Variants in LCMT1 observed in about 807,000 individuals in gnomAD.
The protein encoded by LCMT1 is [Phosphatase 2A protein]-leucine-carboxy methyltransferase 1.
A neutral mutation model predicts 47.7 loss-of-function variants in LCMT1; 32 were observed. The ratio of observed to expected loss-of-function variants is 0.67; its 90% confidence interval spans 0.51 to 0.90. The LOEUF (loss-of-function observed/expected upper bound fraction) is 0.90, where lower values mean the gene tolerates loss of function less well. Among genes scored for constraint, LCMT1 ranks in the 40% least tolerant of loss-of-function variants. The probability of loss-of-function intolerance (pLI) is 0.00; values close to 1 mark genes in which losing one functional copy is unlikely to be tolerated. For missense variants in LCMT1, 375 were observed against 415.2 expected (o/e 0.90, Z 0.84); for synonymous variants, 152 against 149.7 (o/e 1.02, Z -0.11).
At chr16:25,162,766 T>A (rs1961470268) in intron 6 of LCMT1, among the ~76,000 whole-genome samples, 1 of 152,182 alleles carries the variant, frequency 6.6e-6, no homozygotes, top group South Asian at 2.1e-4. Context: ...AAGATAAAAA[T>A]AATTCCTAAT....
chr16:25,158,215 A>G (rs1036595090), intron 5 of LCMT1, among the ~76,000 whole-genome samples: 1 of 151,948 alleles, frequency 6.6e-6, no homozygotes, highest in Non-Finnish European at 1.5e-5. Context: ...GCAGTGGCAC[A>G]CTCTCAGCTC....
rs1962009943 is a variant in LCMT1, at chr16:25,178,076, GGAGACCTGCAAGCTCCCTGAGCGGT to G, written c.*55_*79del. 6.3e-7 allele frequency: 1 copy of G among 1,592,934 alleles called. No homozygotes were observed. Among genetic ancestry groups the G allele is most frequent in the East Asian group, 2.2e-5 (1 of 44,682 alleles). On this transcript the variant is annotated 3_prime_UTR_variant, in exon 11 of 11. Transcript: ENST00000399069. The stretch of plus-strand genomic sequence containing the variant: ...AGCCGAAGCCACTTGCCCTCCTGGA[GGAGACCTGCAAGCTCCCTGAGCGGT>G]GGGCGGGCCTCGTCCGCAGGTCTCA...
intron 3 of LCMT1, 162 bp from the exon 4 acceptor site, chr16:25,140,009 A>T (rs1188592536): frequency 3.3e-6 from 2 of 602,572 alleles, no homozygotes; most frequent in African/African-American, 1.9e-5. Flanking sequence ...CTTCCCTCAA[A>T]TCTATTCTTG....
chr16:25,168,627 G>A (rs1056021121), intron 7 of LCMT1, among the ~76,000 whole-genome samples: 2 of 151,898 alleles, frequency 1.3e-5, no homozygotes, highest in Non-Finnish European at 2.9e-5. Context: ...TTTTTTCCTT[G>A]AAGACAGATG....
chr16:25,176,406 A>G (rs935793480), intron 10 of LCMT1, among the ~76,000 whole-genome samples: 2 of 152,014 alleles, frequency 1.3e-5, no homozygotes, highest in African/African-American at 4.8e-5. Context: ...ACCATTCCCT[A>G]TGCAAAAATT....
At chr16:25,119,405 C>T (rs1959898436) in intron 1 of LCMT1, among the ~76,000 whole-genome samples, 1 of 152,080 alleles carries the variant, frequency 6.6e-6, no homozygotes, top group Non-Finnish European at 1.5e-5. Flanking sequence ...TGAGCACAGA[C>T]CATTCCTACC....
At chr16:25,117,330 T>TC (rs1192919972) in intron 1 of LCMT1, among the ~76,000 whole-genome samples, 1 of 152,170 alleles carries the variant, frequency 6.6e-6, no homozygotes, top group African/African-American at 2.4e-5. Flanking sequence ...ACCTTTTGAT[T>TC]CCCCATCAGC....
chr16:25,177,443 T>C (rs986074938), intron 10 of LCMT1, among the ~76,000 whole-genome samples: 1 of 152,214 alleles, frequency 6.6e-6, no homozygotes, highest in African/African-American at 2.4e-5. Context: ...CAATTTAATG[T>C]TATAACATTA....
At chr16:25,134,147 T>G (rs888369693) in intron 3 of LCMT1, among the ~76,000 whole-genome samples, 2 of 152,086 alleles carry the variant, frequency 1.3e-5, no homozygotes, top group South Asian at 2.1e-4. Flanking sequence ...GAACGTGCAT[T>G]TCTCCAGATT....
chr16:25,132,216 A>T, intron 2 of LCMT1, 186 bp from the exon 3 acceptor site: 1 of 603,800 alleles, frequency 1.7e-6, no homozygotes, highest in Non-Finnish European at 2.9e-6. Flanking sequence ...CTTGGTTCAG[A>T]TGCCTTTAAC....
At chr16:25,133,753 G>T (rs1472283525) in intron 3 of LCMT1, among the ~76,000 whole-genome samples, 3 of 150,468 alleles carry the variant, frequency 2.0e-5, no homozygotes, top group Non-Finnish European at 4.4e-5. Context: ...TCACTAATTG[G>T]CCGGGCATGG....
intron 4 of LCMT1, among the ~76,000 whole-genome samples, chr16:25,150,655 A>G (rs1961051441): frequency 6.6e-6 from 1 of 152,036 alleles, no homozygotes; most frequent in Admixed American, 6.6e-5. Flanking sequence ...GCATCTTAAT[A>G]GTTTTAACTA....
chr16:25,126,135 T>C, intron 1 of LCMT1: 1 of 1,351,504 alleles, frequency 7.4e-7, no homozygotes, highest in African/African-American at 1.5e-5. Flanking sequence ...AGGAAAGTGT[T>C]AGGGGCACTA....
chr16:25,112,915 G>A (rs933519882), intron 1 of LCMT1, among the ~76,000 whole-genome samples: 1 of 152,044 alleles, frequency 6.6e-6, no homozygotes, highest in Non-Finnish European at 1.5e-5. Flanking sequence ...GGCCGAGGTG[G>A]GCAGATCACG....
intron 4 of LCMT1, chr16:25,147,558 CA>C (rs1407009379): frequency 6.6e-6 from 1 of 152,192 alleles, no homozygotes. Flanking sequence ...TCTGTCCATT[CA>C]CAGAATAGGT....
intron 1 of LCMT1, among the ~76,000 whole-genome samples, chr16:25,121,194 G>A (rs906555043): frequency 6.6e-6 from 1 of 151,862 alleles, no homozygotes; most frequent in African/African-American, 2.4e-5. Flanking sequence ...TTGGGAGGCC[G>A]AGGCAGGTGG....
At chr16:25,121,710 G>A (rs996550495) in intron 1 of LCMT1, among the ~76,000 whole-genome samples, 7 of 152,176 alleles carry the variant, frequency 4.6e-5, no homozygotes, top group African/African-American at 1.7e-4. Context: ...AATGCCAGTC[G>A]CTTGTAAAAC....
intron 4 of LCMT1, chr16:25,146,925 A>G (rs1256815955): frequency 2.6e-5 from 4 of 152,192 alleles, no homozygotes; most frequent in African/African-American, 9.7e-5. Flanking sequence ...GGCTCATTCT[A>G]GCTTTTTCTA....
At chr16:25,135,138 C>T (rs963920222) in intron 3 of LCMT1, among the ~76,000 whole-genome samples, 11 of 152,056 alleles carry the variant, frequency 7.2e-5, no homozygotes, top group African/African-American at 2.7e-4. Context: ...CTGAGGCTTA[C>T]GTACCCCTCC....
Sources: gnomAD v4.1 joint callset for allele counts (sites outside exome capture counted in the v4.1 genomes callset) on GRCh38, gnomAD v4.1.1 for gene constraint, MANE v1.5 for transcripts, NCBI Gene and HGNC (gene_info 2026-07-23, HGNC 2026-07-21) for gene names.